KIF3B: variants seen among roughly 807,000 people sequenced by gnomAD.
KIF3B encodes the protein kinesin-like protein KIF3B.
In KIF3B, 38 loss-of-function variants were observed where a neutral mutation model predicts 74.3. The ratio of observed to expected loss-of-function variants is 0.51; its 90% CI spans 0.39 to 0.67. The LOEUF is 0.67. KIF3B is among the 30% of genes least tolerant of loss of function. The pLI, the probability that KIF3B is intolerant of heterozygous loss-of-function variation, is 0.00. For missense variants in KIF3B, 649 were observed against 932.0 expected (o/e 0.70, Z 3.95); for synonymous variants, 326 against 342.5 (o/e 0.95, Z 0.53).
Position 32,309,997 on chromosome 20 carries a change from G to T in KIF3B, c.220G>T (p.Asp74Tyr), listed in dbSNP as rs748063389. Residue 74 changes from aspartate to tyrosine, a missense_variant, in exon 2 of 9, where the codon GAT becomes TAT. Asp to Tyr is a radical substitution (Grantham distance 160). Around this residue, in one of 4 missense-constraint regions of KIF3B, gnomAD observed 96 missense variants for 119.0 expected, o/e 0.81. Coordinates refer to ENST00000375712, the MANE Select transcript of KIF3B (RefSeq NM_004798.4). The stretch of plus-strand genomic sequence containing the variant: ...GAATGCCAAGCAGTTTGAACTGTAC[G>T]ATGAGACGTTCCGACCACTTGTTGA... ...DWNAKQFELY[D>Y]ETFRPLVDSV... The T allele has an allele frequency of 8.7e-6, 14 of 1,614,148 alleles. No individual in the cohort carries two copies. In the South Asian group the frequency reaches 1.5e-4, roughly 18 times the overall value.
Position 32,278,919 on chromosome 20 carries a change from T to TG in KIF3B, c.-66+1154_-66+1155insG, listed in dbSNP as rs1280593431. Among the ~76,000 whole-genome samples, 148 of 131,978 alleles carry TG rather than the reference T, an allele frequency of 1.1e-3. 1 individual carries two copies. Among genetic ancestry groups the TG allele is most frequent in the African/African-American group, 3.8e-3 (137 of 36,454 alleles). The allele number at this position is 131,978 out of a possible 152,430, so 86.6% of individuals were successfully genotyped here. A position where few individuals can be genotyped will look rare whatever the true frequency, so the allele number is the denominator to read the frequency against. ...GTAAAGGGAAGGACCTGCTTAAGAATCCTTTTTTTTTTTTTTTTTTTTGAG... is the reference window on the plus strand; with the variant it reads ...GTAAAGGGAAGGACCTGCTTAAGAATGCCTTTTTTTTTTTTTTTTTTTTGAG... On this transcript the variant is annotated intron_variant, in intron 1 of 8. Coordinates refer to ENST00000375712, the MANE Select transcript of KIF3B (RefSeq NM_004798.4).
At chr20:32,324,102 C>T (rs1359863100) in intron 5 of KIF3B, among the ~76,000 whole-genome samples, 1 of 140,996 alleles carries the variant, frequency 7.1e-6, no homozygotes, top group East Asian at 2.5e-4. Context: ...GAGTGAGACA[C>T]CAACTCAAAA....
At chr20:32,305,169 A>T (rs2047763592) in intron 1 of KIF3B, among the ~76,000 whole-genome samples, 1 of 151,714 alleles carries the variant, frequency 6.6e-6, no homozygotes, top group Admixed American at 6.6e-5. Context: ...AAACAAAAAA[A>T]ACCCAAAAAA....
At chr20:32,278,067 G>T (rs2047624982) in intron 1 of KIF3B, among the ~76,000 whole-genome samples, 1 of 152,204 alleles carries the variant, frequency 6.6e-6, no homozygotes, top group Non-Finnish European at 1.5e-5. Context: ...CCTGGGGTCC[G>T]AACCTCGGCG....
chr20:32,296,208 A>T (rs899511388), intron 1 of KIF3B, among the ~76,000 whole-genome samples: 2 of 152,186 alleles, frequency 1.3e-5, no homozygotes, highest in African/African-American at 4.8e-5. Context: ...AAATGGATAG[A>T]TAAAATGGGA....
rs1247080422 is a variant in KIF3B, at chr20:32,310,575, C to A, written c.798C>A (p.Thr266=). ...AAGGGGAGAGATTAAAAGAAGCTAC[C>A]AAGATCAACCTCTCCCTTTCCGCTT... The part of the protein sequence containing the change: ...GAQGERLKEA[T]KINLSLSALG... Residue 266 remains threonine, a synonymous_variant, in exon 2 of 9, where the codon ACC becomes ACA. Transcript: ENST00000375712. The surrounding 1 kb of genome is among the most constrained non-coding windows in gnomAD (Gnocchi z 6.5). The A allele has an allele frequency of 1.2e-6, 2 of 1,613,984 alleles. No individual in the cohort carries two copies. The highest frequency in any genetic ancestry group is 2.7e-5 in the African/African-American group (2 of 74,900).
chr20:32,294,983 A>G (rs1200488386), intron 1 of KIF3B, among the ~76,000 whole-genome samples: 2 of 152,100 alleles, frequency 1.3e-5, no homozygotes, highest in East Asian at 3.9e-4. Context: ...TAATCTAACC[A>G]CTCCCTTATT....
intron 1 of KIF3B, among the ~76,000 whole-genome samples, chr20:32,290,349 C>T (rs186702518): frequency 8.5e-5 from 13 of 152,248 alleles, no homozygotes; most frequent in Non-Finnish European, 1.5e-4. Flanking sequence ...CGCCACTACA[C>T]TGCAGCCTGG....
Position 32,334,987 on chromosome 20 carries a change from A to G in KIF3B, c.*3668A>G, listed in dbSNP as rs868619377. 1.2e-4 allele frequency: 18 copies of G among 152,654 alleles called. No individual in the cohort carries two copies. The highest frequency in any genetic ancestry group is 4.1e-4 in the African/African-American group (17 of 41,466). 9.5% of individuals were successfully genotyped at this position (152,654 alleles called of 1,614,324 possible). ...AAACTAAGATGTGTAATAAAAATCA[A>G]TCAGATTTATTGTACCTACAAAAAG... On this transcript the variant is annotated 3_prime_UTR_variant, in exon 9 of 9. Coordinates refer to ENST00000375712, the MANE Select transcript of KIF3B (RefSeq NM_004798.4).
chr20:32,289,624 G>T, intron 1 of KIF3B, among the ~76,000 whole-genome samples: 1 of 152,130 alleles, frequency 6.6e-6, no homozygotes. Context: ...TATTTTCACA[G>T]TTACTTTCTA....
At position 32,310,297 on chromosome 20, in the gene KIF3B, G is replaced by T. The variant is rs952000297; in HGVS notation, c.520G>T (p.Val174Leu). The T allele has an allele frequency of 1.2e-6, 2 of 1,613,866 alleles. No homozygotes were observed. The highest frequency in any genetic ancestry group is 2.7e-5 in the African/African-American group (2 of 74,940). Residue 174 changes from valine to leucine, a missense_variant, in exon 2 of 9, where the codon GTG becomes TTG. Physicochemically the swap from Val to Leu is conservative, Grantham distance 32 (BLOSUM62 1). Around this residue, in one of 4 missense-constraint regions of KIF3B, gnomAD observed 363 missense variants for 592.8 expected, o/e 0.61. Coordinates refer to ENST00000375712, the MANE Select transcript of KIF3B (RefSeq NM_004798.4). The surrounding 1 kb of genome is among the most constrained non-coding windows in gnomAD (Gnocchi z 6.5). ...LELKERPDTG[V>L]YVKDLSSFVT... ...GCTCAAAGAGAGGCCTGACACAGGA[G>T]TGTATGTGAAAGACCTGTCTTCCTT...
chr20:32,324,099 A>T (rs2047891067), intron 5 of KIF3B, among the ~76,000 whole-genome samples: 1 of 145,086 alleles, frequency 6.9e-6, no homozygotes, highest in Non-Finnish European at 1.5e-5. Context: ...ACCGAGTGAG[A>T]CACCAACTCA....
At position 32,333,971 on chromosome 20, in the gene KIF3B, T is replaced by C. The variant is rs2047943493; in HGVS notation, c.*2652T>C. 1 of 152,644 alleles carries C rather than the reference T, an allele frequency of 6.6e-6. No individual in the cohort carries two copies. Among genetic ancestry groups the C allele is most frequent in the Non-Finnish European group, 1.5e-5 (1 of 68,060 alleles). The allele number at this position is 152,644 out of a possible 1,614,324, so 9.5% of individuals were successfully genotyped here. A position where few individuals can be genotyped will look rare whatever the true frequency, so the allele number is the denominator to read the frequency against. The stretch of plus-strand genomic sequence containing the variant: ...GTGCTGTCACCAGAAAGCTGCTGTT[T>C]TGGGTTCTGCATTGAGCCAAATATG... On this transcript the variant is annotated 3_prime_UTR_variant, in exon 9 of 9. Coordinates refer to ENST00000375712, the MANE Select transcript of KIF3B (RefSeq NM_004798.4).
chr20:32,290,202 G>C (rs1370622637), intron 1 of KIF3B, among the ~76,000 whole-genome samples: 1 of 152,100 alleles, frequency 6.6e-6, no homozygotes, highest in Non-Finnish European at 1.5e-5. Context: ...GGCCAACATA[G>C]TGAAACCCAC....
At chr20:32,323,484 C>G (rs1232933193) in intron 5 of KIF3B, among the ~76,000 whole-genome samples, 1 of 151,712 alleles carries the variant, frequency 6.6e-6, no homozygotes, top group Non-Finnish European at 1.5e-5. Flanking sequence ...ACTGCAAACT[C>G]TGCCTCCCAG....
chr20:32,329,061 C>T (rs371074256), intron 7 of KIF3B, among the ~76,000 whole-genome samples: 2 of 152,178 alleles, frequency 1.3e-5, no homozygotes, highest in Non-Finnish European at 2.9e-5. Flanking sequence ...GCACATGCCA[C>T]GACACCCAGC....
At chr20:32,291,851 G>A (rs1198636157) in intron 1 of KIF3B, among the ~76,000 whole-genome samples, 1 of 151,738 alleles carries the variant, frequency 6.6e-6, no homozygotes, top group South Asian at 2.1e-4. Context: ...TCCTGACCTC[G>A]AGTGATGCAC....
intron 1 of KIF3B, among the ~76,000 whole-genome samples, chr20:32,307,188 G>A (rs1199711370): frequency 2.0e-5 from 3 of 152,106 alleles, no homozygotes; most frequent in South Asian, 2.1e-4. Context: ...AGAGTGGTAC[G>A]TTTGTTATAA....
At chr20:32,313,832 G>T (rs2047813485) in intron 2 of KIF3B, among the ~76,000 whole-genome samples, 1 of 151,984 alleles carries the variant, frequency 6.6e-6, no homozygotes, top group Non-Finnish European at 1.5e-5. Flanking sequence ...CTCAGCCTTC[G>T]AGTATCTGGG....
Sources: gnomAD v4.1 joint callset for allele counts (sites outside exome capture counted in the v4.1 genomes callset) on GRCh38, gnomAD v4.1.1 for gene constraint, gnomAD v4.1.1 regional missense constraint, Gnocchi (gnomAD v3.1) non-coding constraint, MANE v1.5 for transcripts, NCBI Gene and HGNC (gene_info 2026-07-23, HGNC 2026-07-21) for gene names.